The following YY1 variants were observed in gnomAD, a reference collection of about 807,000 sequenced individuals.
YY1 encodes the protein YY1 transcription factor.
In YY1, 2 loss-of-function variants were observed where a neutral mutation model predicts 35.6. The ratio of observed to expected loss-of-function variants is 0.06; its 90% CI spans 0.02 to 0.18. The LOEUF is 0.18. Ranked by LOEUF, YY1 falls within the 10% of genes least tolerant of loss-of-function variation. The pLI, the probability that YY1 is intolerant of heterozygous loss-of-function variation, is 1.00. For missense variants in YY1, 322 were observed against 573.4 expected (o/e 0.56, Z 4.48); for synonymous variants, 268 against 238.9 (o/e 1.12, Z -1.12).
intron 1 of YY1, among the ~76,000 whole-genome samples, chr14:100,254,775 ATT>A (rs1196714660): frequency 6.9e-6 from 1 of 144,380 alleles, no homozygotes. Context: ...TTATTTATTT[ATT>A]TTTTTTTTTT....
At chr14:100,247,247 T>A (rs1410424086) in intron 1 of YY1, among the ~76,000 whole-genome samples, 1 of 152,260 alleles carries the variant, frequency 6.6e-6, no homozygotes, top group Admixed American at 6.5e-5. Flanking sequence ...AGCAAAGCAG[T>A]TATTGCAATG....
intron 2 of YY1, among the ~76,000 whole-genome samples, chr14:100,271,582 T>C (rs1891239315): frequency 6.6e-6 from 1 of 152,220 alleles, no homozygotes; most frequent in Non-Finnish European, 1.5e-5. Context: ...TAATGAGTTA[T>C]CTTAAGGCTA....
Position 100,277,262 on chromosome 14 carries a change from C to T in YY1, c.1063-156C>T. The T allele has an allele frequency of 1.0e-6, 1 of 954,118 alleles. No homozygotes were observed. Among genetic ancestry groups the T allele is most frequent in the Non-Finnish European group, 1.6e-6 (1 of 618,032 alleles). 59.1% of individuals were successfully genotyped at this position (954,118 alleles called of 1,614,324 possible). ...TTTTCGGGGTTGTCCAACCTGCCTG[C>T]TGATTCTAGACTATATCCACAAAGT... On this transcript the variant is annotated intron_variant, in intron 4 of 4. Transcript: ENST00000262238. This position sits in a 1 kb window ranked among gnomAD's most constrained non-coding sequence, Gnocchi z 5.6.
intron 2 of YY1, among the ~76,000 whole-genome samples, chr14:100,266,192 ATGTG>A (rs1463046460): frequency 6.6e-6 from 1 of 152,108 alleles, no homozygotes; most frequent in Non-Finnish European, 1.5e-5. Context: ...CACCTACAAC[ATGTG>A]GGAATCCTGG....
At chr14:100,268,999 C>T (rs1373392689) in intron 2 of YY1, among the ~76,000 whole-genome samples, 3 of 152,234 alleles carry the variant, frequency 2.0e-5, no homozygotes, top group African/African-American at 7.2e-5. Flanking sequence ...ATCTTTACAA[C>T]GTTCTTCCCA....
chr14:100,264,133 G>A (rs1427892494), intron 2 of YY1: 1 of 152,028 alleles, frequency 6.6e-6, no homozygotes, highest in Non-Finnish European at 1.5e-5. Context: ...TCAAATTGTT[G>A]GGATGACAGG....
intron 1 of YY1, among the ~76,000 whole-genome samples, chr14:100,260,698 C>T (rs1388202168): frequency 6.8e-6 from 1 of 147,628 alleles, no homozygotes; most frequent in Non-Finnish European, 1.5e-5. Flanking sequence ...GTCTCGATCT[C>T]CTGACCTCGT....
chr14:100,276,296 T>A lies in YY1; in HGVS notation c.904-194T>A. 1 of 717,002 alleles carries A rather than the reference T, an allele frequency of 1.4e-6. No individual in the cohort carries two copies. The highest frequency in any genetic ancestry group is 2.2e-6 in the Non-Finnish European group (1 of 445,100). 44.4% of individuals were successfully genotyped at this position (717,002 alleles called of 1,614,324 possible). A position where few individuals can be genotyped will look rare whatever the true frequency, so the allele number is the denominator to read the frequency against. ...CTCATCTGTAAAACTAGGGTTTGCA[T>A]TGAATGATGACTTTTTCAGCTGTCT... On this transcript the variant is annotated intron_variant, in intron 3 of 4. Transcript: ENST00000262238. This position sits in a 1 kb window ranked among gnomAD's most constrained non-coding sequence, Gnocchi z 4.1.
chr14:100,245,922 A>G (rs952100673), intron 1 of YY1, among the ~76,000 whole-genome samples: 11 of 152,182 alleles, frequency 7.2e-5, no homozygotes, highest in African/African-American at 2.4e-4. Context: ...TAACTGTTTT[A>G]TAACTTAGTT....
chr14:100,244,595 T>G (rs1211358934), intron 1 of YY1, among the ~76,000 whole-genome samples: 2 of 151,464 alleles, frequency 1.3e-5, no homozygotes, highest in Admixed American at 6.6e-5. Flanking sequence ...CTTACTTTTT[T>G]TTTTTGAGGC....
At chr14:100,240,472 C>A (rs1396844173) in intron 1 of YY1, among the ~76,000 whole-genome samples, 3 of 152,046 alleles carry the variant, frequency 2.0e-5, no homozygotes, top group African/African-American at 7.2e-5. Context: ...CCAACTTCCC[C>A]GGACTCCCAA....
rs1713797914 is a variant in YY1 at position 100,280,638 on chromosome 14, AGTTCTAAAT to A, written c.*3041_*3049del. ...TTTTCCTATTTGGTTTTCATGTAAA[AGTTCTAAAT>A]GTCACTTATTTTGCTAAATAAGACC... On this transcript the variant is annotated 3_prime_UTR_variant, in exon 5 of 5. Coordinates refer to ENST00000262238, the MANE Select transcript of YY1 (RefSeq NM_003403.5). 1 of 152,002 alleles carries A rather than the reference AGTTCTAAAT, an allele frequency of 6.6e-6. No individual in the cohort carries two copies. Among genetic ancestry groups the A allele is most frequent in the Non-Finnish European group, 1.5e-5 (1 of 68,028 alleles). The allele number at this position is 152,002 out of a possible 1,614,324, so 9.4% of individuals were successfully genotyped here.
rs1316180521 is a variant in YY1 at position 100,277,753 on chromosome 14, A to C, written c.*153A>C. 3.5e-6 allele frequency: 3 copies of C among 853,448 alleles called. No individual in the cohort carries two copies. In the East Asian group the frequency reaches 8.0e-5, roughly 23 times the overall value. 52.9% of individuals were successfully genotyped at this position (853,448 alleles called of 1,614,324 possible). The stretch of plus-strand genomic sequence containing the variant: ...GGACATGTTTTGATAAAGTAGTAAA[A>C]ATTAAAAAAAAAAAACTTTACTAAG... On this transcript the variant is annotated 3_prime_UTR_variant, in exon 5 of 5. Transcript: ENST00000262238. The surrounding 1 kb of genome is among the most constrained non-coding windows in gnomAD (Gnocchi z 5.6).
chr14:100,239,957 G>GTTTT (rs1211475387), intron 1 of YY1, 34 bp downstream of exon 1: 10 of 1,509,178 alleles, frequency 6.6e-6, no homozygotes, highest in Non-Finnish European at 8.8e-6. Context: ...GCCCCGGGAT[G>GTTTT]TTTTTGTTTT....
At chr14:100,255,655 G>A (rs925884127) in intron 1 of YY1, among the ~76,000 whole-genome samples, 5 of 152,076 alleles carry the variant, frequency 3.3e-5, no homozygotes, top group African/African-American at 1.2e-4. Context: ...TGTGGAATGT[G>A]GTAATGATCA....
At chr14:100,247,642 A>G (rs1017819662) in intron 1 of YY1, among the ~76,000 whole-genome samples, 4 of 152,144 alleles carry the variant, frequency 2.6e-5, no homozygotes, top group African/African-American at 9.6e-5. Context: ...GCCAAGGGAG[A>G]TGTTAGAAGT....
At chr14:100,268,375 T>G (rs1310489034) in intron 2 of YY1, among the ~76,000 whole-genome samples, 4 of 152,250 alleles carry the variant, frequency 2.6e-5, no homozygotes, top group Admixed American at 6.5e-5. Context: ...ATGACTTTTT[T>G]TCCCGAAATG....
Position 100,279,719 on chromosome 14 carries a change from C to CG in YY1, c.*2122dup, listed in dbSNP as rs1555371071. 6.6e-6 allele frequency: 1 copy of CG among 152,566 alleles called. No individual in the cohort carries two copies. The highest frequency in any genetic ancestry group is 1.5e-5 in the Non-Finnish European group (1 of 68,302). The allele number at this position is 152,566 out of a possible 1,614,324, so 9.5% of individuals were successfully genotyped here. A position where few individuals can be genotyped will look rare whatever the true frequency, so the allele number is the denominator to read the frequency against. On this transcript the variant is annotated 3_prime_UTR_variant, in exon 5 of 5. Coordinates refer to ENST00000262238, the MANE Select transcript of YY1 (RefSeq NM_003403.5). ...CACCCACACCTTCCCTCCCCACTGT[C>CG]GGGTTGAGTAGCCCCAGCGTGGCTG...
At chr14:100,248,121 C>CTTTTTTTTTT (rs10694000) in intron 1 of YY1, among the ~76,000 whole-genome samples, 3,452 of 117,456 alleles carry the variant, frequency 0.029, 211 homozygotes, top group Non-Finnish European at 0.044. Flanking sequence ...ATTTTTTTTT[C>CTTTTTTTTTT]TTTTTTTTTT....
Sources: allele counts gnomAD v4.1 joint callset (sites outside exome capture counted in the v4.1 genomes callset), GRCh38; gene constraint gnomAD v4.1.1; non-coding constraint Gnocchi (gnomAD v3.1); transcripts MANE v1.5; gene names NCBI Gene and HGNC (gene_info 2026-07-23, HGNC 2026-07-21).